SCG5: variants seen among roughly 807,000 people sequenced by gnomAD.
The protein encoded by SCG5 is neuroendocrine protein 7B2.
A neutral mutation model predicts 25.7 loss-of-function variants in SCG5; 18 were observed. The observed-to-expected ratio is 0.70, with a 90% CI of 0.48 to 1.04. The LOEUF (loss-of-function observed/expected upper bound fraction) is 1.04. Ranked by LOEUF, SCG5 falls within the 50% of genes least tolerant of loss-of-function variation. The probability of loss-of-function intolerance (pLI) is 0.00; values close to 1 mark genes in which losing one functional copy is unlikely to be tolerated. For synonymous variants in SCG5, 101 were observed against 91.7 expected, an observed-to-expected ratio of 1.10 and a Z score of -0.58; for missense variants, 206 against 259.8, an observed-to-expected ratio of 0.79 and a Z score of 1.42.
chr15:32,658,115 G>A (rs1050845358), intron 2 of SCG5, among the ~76,000 whole-genome samples: 1 of 152,172 alleles, frequency 6.6e-6, no homozygotes, highest in Non-Finnish European at 1.5e-5. Context: ...ACCCCAGTGA[G>A]GTGGGCTGGC....
intron 2 of SCG5, among the ~76,000 whole-genome samples, chr15:32,670,235 C>T (rs1157420256): frequency 4.6e-5 from 7 of 152,250 alleles, no homozygotes. Context: ...ACAGGCTCAA[C>T]CCAATTTAGA....
intron 2 of SCG5, among the ~76,000 whole-genome samples, chr15:32,649,945 G>A (rs1467645578): frequency 6.6e-6 from 1 of 152,106 alleles, no homozygotes; most frequent in Non-Finnish European, 1.5e-5. Context: ...GTTGGTGTTT[G>A]AAAAATAAAA....
intron 2 of SCG5, among the ~76,000 whole-genome samples, chr15:32,647,823 T>C (rs1296098427): frequency 6.6e-6 from 1 of 152,210 alleles, no homozygotes; most frequent in Non-Finnish European, 1.5e-5. Context: ...TTTTTTCCTT[T>C]TTTTCTTTAC....
intron 2 of SCG5, among the ~76,000 whole-genome samples, chr15:32,676,221 A>T (rs2054527740): frequency 2.0e-5 from 3 of 152,186 alleles, no homozygotes; most frequent in Admixed American, 2.0e-4. Flanking sequence ...ACATCATTAA[A>T]TGCAGTTTAA....
chr15:32,650,070 A>C (rs2054010026), intron 2 of SCG5, among the ~76,000 whole-genome samples: 1 of 152,300 alleles, frequency 6.6e-6, no homozygotes, highest in Middle Eastern at 3.4e-3. Flanking sequence ...ACATGTTTTC[A>C]GTCTTTAATG....
intron 3 of SCG5, among the ~76,000 whole-genome samples, chr15:32,682,074 G>A (rs903009983): frequency 3.9e-5 from 6 of 152,140 alleles, no homozygotes; most frequent in African/African-American, 1.4e-4. Flanking sequence ...TTTAGAGAGC[G>A]ACAGTCTCCA....
At chr15:32,683,184 C>T (rs755027828) in intron 3 of SCG5, among the ~76,000 whole-genome samples, 1 of 152,184 alleles carries the variant, frequency 6.6e-6, no homozygotes, top group Non-Finnish European at 1.5e-5. Context: ...CTGCTAAGAG[C>T]TGAGAGACTG....
intron 2 of SCG5, among the ~76,000 whole-genome samples, chr15:32,671,003 C>A (rs2054413617): frequency 6.6e-6 from 1 of 152,180 alleles, no homozygotes; most frequent in African/African-American, 2.4e-5. Flanking sequence ...GTGCTTATTA[C>A]ATACCAGGTA....
rs184199583 is a variant in SCG5 at position 32,678,229 on chromosome 15, C to T, written c.227-1537C>T. Among the ~76,000 whole-genome samples the T allele has an allele frequency of 1.8e-3, 281 of 152,212 alleles. 3 individuals carry two copies. Among genetic ancestry groups the T allele is most frequent in the African/African-American group, 6.5e-3 (270 of 41,534 alleles). ...AATCTGACTACATAAATATTAAAAACGTATGTTAGCAAAATACTATAATAG... is the reference window on the plus strand; with the variant it reads ...AATCTGACTACATAAATATTAAAAATGTATGTTAGCAAAATACTATAATAG... On this transcript the variant is annotated intron_variant, in intron 2 of 5. Transcript: ENST00000300175.
Position 32,671,903 on chromosome 15 carries a change from G to A in SCG5, c.227-7863G>A, listed in dbSNP as rs147344727. 5.3e-5 allele frequency among the ~76,000 whole-genome samples: 8 copies of A among 152,182 alleles called. No homozygotes were observed. The East Asian group carries it at 1.5e-3, about 29-fold the overall frequency. The stretch of plus-strand genomic sequence containing the variant: ...TCCGCTTTGCCTTCCCTTAGCCTGG[G>A]GAGCCTTGCCGCCTCTCCACCTTCT... On this transcript the variant is annotated intron_variant, in intron 2 of 5. Transcript: ENST00000300175.
intron 2 of SCG5, among the ~76,000 whole-genome samples, chr15:32,657,220 T>TATATATATATATATATA (rs71113464): frequency 5.8e-4 from 62 of 106,528 alleles, no homozygotes; most frequent in South Asian, 1.0e-3. Context: ...TATGTATGTA[T>TATATATATATATATATA]TTCCAGGTGT....
intron 2 of SCG5, among the ~76,000 whole-genome samples, chr15:32,646,768 A>C (rs186790347): frequency 3.3e-4 from 51 of 152,296 alleles, no homozygotes; most frequent in African/African-American, 8.2e-4. Flanking sequence ...TCATTTATTC[A>C]TGTGAGTTAG....
intron 2 of SCG5, among the ~76,000 whole-genome samples, chr15:32,667,355 G>GT (rs78346939): frequency 0.095 from 14,422 of 152,290 alleles, 883 homozygotes; most frequent in East Asian, 0.22. Flanking sequence ...TAAGTTTGGT[G>GT]TTTTTATGAA....
chr15:32,678,252 T>C (rs1224949258), intron 2 of SCG5, among the ~76,000 whole-genome samples: 1 of 152,160 alleles, frequency 6.6e-6, no homozygotes, highest in African/African-American at 2.4e-5. Context: ...AATACTATAA[T>C]AGTAACCAGA....
At chr15:32,657,211 A>ATATATATATATATATG (rs1555433850) in intron 2 of SCG5, among the ~76,000 whole-genome samples, 4 of 102,450 alleles carry the variant, frequency 3.9e-5, no homozygotes, top group African/African-American at 1.0e-4. Flanking sequence ...ATATATATAT[A>ATATATATATATATATG]TGTATGTATT....
intron 4 of SCG5, among the ~76,000 whole-genome samples, chr15:32,688,655 A>G (rs755861160): frequency 6.6e-6 from 1 of 152,184 alleles, no homozygotes; most frequent in Non-Finnish European, 1.5e-5. Context: ...TCTCTGGTGT[A>G]AAATTCCCTT....
At chr15:32,663,123 T>A (rs1478023619) in intron 2 of SCG5, among the ~76,000 whole-genome samples, 1 of 146,926 alleles carries the variant, frequency 6.8e-6, no homozygotes, top group Non-Finnish European at 1.5e-5. Flanking sequence ...CATATATACA[T>A]ATATAACATA....
At chr15:32,663,179 A>G (rs1050418065) in intron 2 of SCG5, among the ~76,000 whole-genome samples, 3 of 150,782 alleles carry the variant, frequency 2.0e-5, no homozygotes, top group African/African-American at 4.9e-5. Flanking sequence ...TTCACATACT[A>G]TACAATTCAA....
chr15:32,674,009 G>A (rs771304545), intron 2 of SCG5, among the ~76,000 whole-genome samples: 12 of 152,120 alleles, frequency 7.9e-5, no homozygotes, highest in Non-Finnish European at 1.6e-4. Context: ...GTGAGCCACC[G>A]CACCCGGCCC....
Sources: gnomAD v4.1 joint callset for allele counts (sites outside exome capture counted in the v4.1 genomes callset) on GRCh38, gnomAD v4.1.1 for gene constraint, MANE v1.5 for transcripts, NCBI Gene and HGNC (gene_info 2026-07-23, HGNC 2026-07-21) for gene names.